The following OR2L13 variants were observed in gnomAD, a reference collection of about 807,000 sequenced individuals.
OR2L13 encodes olfactory receptor 2L13.
OR2L13 carries 14 observed loss-of-function variants against 15.3 expected under a neutral mutation model. The ratio of observed to expected loss-of-function variants is 0.91; its 90% CI spans 0.60 to 1.43. The LOEUF is 1.43. OR2L13 is among the 40% of genes most tolerant of loss of function. The pLI, the probability that OR2L13 is intolerant of heterozygous loss-of-function variation, is 0.00. For synonymous variants in OR2L13, 152 were observed against 142.9 expected (o/e 1.06, Z -0.45); for missense variants, 367 against 387.9 (o/e 0.95, Z 0.45).
chr1:247,964,462 A>G, the OR2L13 span, among the ~76,000 whole-genome samples: 2 of 152,184 alleles, frequency 1.3e-5, no homozygotes, highest in Non-Finnish European at 2.9e-5. Context: ...TTTGCACTCT[A>G]TTGGAAGACT....
the OR2L13 span, among the ~76,000 whole-genome samples, chr1:247,938,309 G>A: frequency 6.6e-6 from 1 of 152,214 alleles, no homozygotes; most frequent in Admixed American, 6.5e-5. Flanking sequence ...AAGTGCTAAT[G>A]TTAATATTAG....
At chr1:247,951,947 T>C in the OR2L13 span, among the ~76,000 whole-genome samples, 1 of 152,056 alleles carries the variant, frequency 6.6e-6, no homozygotes, top group African/African-American at 2.4e-5. Flanking sequence ...TGTGGTGCTG[T>C]GAAGTATTAC....
At chr1:248,040,974 T>C in the OR2L13 span, 1 of 152,308 alleles carries the variant, frequency 6.6e-6, no homozygotes, top group South Asian at 2.1e-4. Context: ...AAATTTTGAC[T>C]TATAGAATGG....
the OR2L13 span, chr1:248,060,905 C>G: frequency 3.1e-6 from 5 of 1,613,924 alleles, no homozygotes; most frequent in Non-Finnish European, 4.2e-6. Flanking sequence ...TACATCTCCA[C>G]CATTGTTCCT....
the OR2L13 span, among the ~76,000 whole-genome samples, chr1:248,005,518 T>G: frequency 1.3e-5 from 2 of 152,212 alleles, no homozygotes; most frequent in African/African-American, 4.8e-5. Context: ...CAAGATTGCT[T>G]TGACTATTTG....
At chr1:248,010,980 T>C in the OR2L13 span, among the ~76,000 whole-genome samples, 44 of 152,212 alleles carry the variant, frequency 2.9e-4, no homozygotes, top group African/African-American at 9.9e-4. Flanking sequence ...ATGTGTGAAT[T>C]TGATCCTGTC....
At chr1:247,973,748 G>A in the OR2L13 span, among the ~76,000 whole-genome samples, 3 of 152,180 alleles carry the variant, frequency 2.0e-5, no homozygotes, top group African/African-American at 7.2e-5. Flanking sequence ...ATGCCAGTTA[G>A]AATGGTGATC....
chr1:248,085,845 C>A, the OR2L13 span, among the ~76,000 whole-genome samples: 3 of 152,138 alleles, frequency 2.0e-5, no homozygotes, highest in African/African-American at 7.2e-5. Context: ...AGCATGCGAT[C>A]TAGATCCCTC....
At chr1:248,094,560 T>C (rs571448289), upstream of OR2L13, among the ~76,000 whole-genome samples, 35 of 152,372 alleles carry the variant, frequency 2.3e-4, no homozygotes, top group African/African-American at 8.2e-4. Context: ...ATTAGTGGCA[T>C]AGCTGTCAGA....
the OR2L13 span, among the ~76,000 whole-genome samples, chr1:247,985,257 C>A: frequency 3.1e-3 from 476 of 152,200 alleles, 3 homozygotes; most frequent in African/African-American, 0.011. Flanking sequence ...CCCTCCTTCC[C>A]CTACCCCCTA....
the OR2L13 span, among the ~76,000 whole-genome samples, chr1:247,947,222 T>G: frequency 6.6e-6 from 1 of 152,238 alleles, no homozygotes; most frequent in East Asian, 1.9e-4. Context: ...AGATCATACA[T>G]CTCTGAAGAA....
At chr1:247,963,027 G>A in the OR2L13 span, among the ~76,000 whole-genome samples, 1 of 152,252 alleles carries the variant, frequency 6.6e-6, no homozygotes, top group African/African-American at 2.4e-5. Flanking sequence ...CTCAGCCCGG[G>A]ATGCCATGTG....
chr1:248,038,276 T>A, the OR2L13 span: 3 of 1,605,310 alleles, frequency 1.9e-6, no homozygotes, highest in Non-Finnish European at 1.7e-6. Flanking sequence ...CCATGGAAAA[T>A]TACAATCAAA....
At chr1:247,948,652 T>C in the OR2L13 span, among the ~76,000 whole-genome samples, 4 of 152,216 alleles carry the variant, frequency 2.6e-5, no homozygotes, top group South Asian at 8.3e-4. Flanking sequence ...GTTACTCTTG[T>C]TAATCTCTTA....
At chr1:248,014,687 G>C in the OR2L13 span, among the ~76,000 whole-genome samples, 3 of 152,070 alleles carry the variant, frequency 2.0e-5, no homozygotes, top group Non-Finnish European at 4.4e-5. Flanking sequence ...CAATGATAAT[G>C]ATGAAGATGC....
the OR2L13 span, chr1:247,991,345 C>A: frequency 1.7e-6 from 1 of 595,224 alleles, no homozygotes. Context: ...TTTAGTCTGG[C>A]ATTTCAATTG....
chr1:248,096,203 C>CAAAAATAAAATTTTTTTTCTA (rs1664736788), upstream of OR2L13, among the ~76,000 whole-genome samples: 2 of 151,592 alleles, frequency 1.3e-5, no homozygotes, highest in Non-Finnish European at 2.9e-5. Context: ...ACAGTGAAAC[C>CAAAAATAAAATTTTTTTTCTA]CGGTCTCTAC....
the OR2L13 span, among the ~76,000 whole-genome samples, chr1:248,050,217 G>A: frequency 2.6e-5 from 4 of 151,036 alleles, no homozygotes; most frequent in Non-Finnish European, 4.4e-5. Context: ...CTTTCCTCCT[G>A]TGTATTCTGT....
chr1:248,031,830 C>CT, the OR2L13 span, among the ~76,000 whole-genome samples: 1 of 151,956 alleles, frequency 6.6e-6, no homozygotes, highest in Admixed American at 6.6e-5. Flanking sequence ...TGTTATTTTT[C>CT]TTTTTTAAAA....
Sources: gnomAD v4.1 joint callset for allele counts (sites outside exome capture counted in the v4.1 genomes callset) on GRCh38, gnomAD v4.1.1 for gene constraint, MANE v1.5 for transcripts, NCBI Gene and HGNC (gene_info 2026-07-23, HGNC 2026-07-21) for gene names.